The following SLC7A7 variants were observed in gnomAD, a reference collection of about 807,000 sequenced individuals.
SLC7A7 encodes the protein Y+L amino acid transporter 1.
In SLC7A7, 39 loss-of-function variants were observed where a neutral mutation model predicts 47.9. The observed-to-expected ratio is 0.81, with a 90% CI of 0.63 to 1.06. The LOEUF (loss-of-function observed/expected upper bound fraction) is 1.06. Ranked by LOEUF, SLC7A7 falls within the 50% of genes least tolerant of loss-of-function variation. SLC7A7 has a pLI of 0.00. For synonymous variants in SLC7A7, 234 were observed against 242.8 expected, an observed-to-expected ratio of 0.96 and a Z score of 0.34; for missense variants, 588 against 632.0, an observed-to-expected ratio of 0.93 and a Z score of 0.75.
intron 2 of SLC7A7, chr14:22,780,323 A>C: frequency 4.1e-5 from 17 of 416,868 alleles, no homozygotes; most frequent in East Asian, 5.1e-5. Flanking sequence ...ATACATCCAA[A>C]TGTCCAATCA....
chr14:22,776,464 G>T, intron 4 of SLC7A7, 146 bp from the exon 5 acceptor site: 1 of 1,031,512 alleles, frequency 9.7e-7, no homozygotes, highest in African/African-American at 1.6e-5. Context: ...CTTTGACGGT[G>T]CCCTGGATAG....
Position 22,811,793 on chromosome 14 carries a change from A to G in SLC7A7, c.499+1107T>C, listed in dbSNP as rs1482541749. Among the ~76,000 whole-genome samples the G allele has an allele frequency of 2.0e-5, 3 of 147,236 alleles. No individual in the cohort carries two copies. The Admixed American group carries it at 2.1e-4, about 10-fold the overall frequency. ...CTTGAACCCAGAAGATGGAGGTTGC[A>G]GTGAGCTGAGATTGCACCACTCAAG... On this transcript the variant is annotated intron_variant, in intron 2 of 9. Coordinates refer to ENST00000674313, the MANE Select transcript of SLC7A7 (RefSeq NM_003982.4).
At chr14:22,783,122 CAG>C (rs755116173) in intron 2 of SLC7A7, among the ~76,000 whole-genome samples, 108 of 151,996 alleles carry the variant, frequency 7.1e-4, no homozygotes, top group Middle Eastern at 6.8e-3. Flanking sequence ...TTAGTAGAGA[CAG>C]GGTTTCACCA....
At chr14:22,798,955 A>C (rs571162031) in intron 2 of SLC7A7, among the ~76,000 whole-genome samples, 1 of 152,192 alleles carries the variant, frequency 6.6e-6, no homozygotes, top group African/African-American at 2.4e-5. Context: ...TCTCCCACCC[A>C]CGAGAGCTGT....
At chr14:22,797,867 G>C (rs2039045332) in intron 2 of SLC7A7, among the ~76,000 whole-genome samples, 2 of 152,178 alleles carry the variant, frequency 1.3e-5, no homozygotes, top group South Asian at 4.1e-4. Context: ...CCTGCCAAAA[G>C]ACTGCAAACA....
Position 22,778,832 on chromosome 14 carries a change from G to A in SLC7A7, c.731C>T (p.Thr244Ile), listed in dbSNP as rs551449082. The A allele has an allele frequency of 1.9e-6, 3 of 1,614,198 alleles. No homozygotes were observed. Among genetic ancestry groups the A allele is most frequent in the Non-Finnish European group, 2.5e-6 (3 of 1,180,030 alleles). Residue 244 changes from threonine to isoleucine, a missense_variant, in exon 4 of 10, where the codon ACC becomes ATC. Coordinates refer to ENST00000674313, the MANE Select transcript of SLC7A7 (RefSeq NM_003982.4). ...GATCTCTTCAGTGACATAGTTGAGG[G>A]TGTCCCAGCCTGAGTAGGAGAACAG... is the stretch of plus-strand genomic sequence containing the variant. ...SALFSYSGWDTLNYVTEEIKN... is the reference protein window; with the variant it reads ...SALFSYSGWDILNYVTEEIKN...
chr14:22,794,269 A>G (rs1191392098), intron 2 of SLC7A7, among the ~76,000 whole-genome samples: 1 of 152,232 alleles, frequency 6.6e-6, no homozygotes, highest in South Asian at 2.1e-4. Context: ...GGGCAGTTAC[A>G]CCTCTGGCAA....
At chr14:22,775,367 G>C in intron 7 of SLC7A7, 77 bp downstream of exon 7, 1 of 1,141,894 alleles carries the variant, frequency 8.8e-7, no homozygotes, top group Non-Finnish European at 1.3e-6. Context: ...CTTTCAGGAA[G>C]CTAGAACAGT....
chr14:22,799,249 C>T (rs1024913484), intron 2 of SLC7A7, among the ~76,000 whole-genome samples: 5 of 152,056 alleles, frequency 3.3e-5, no homozygotes, highest in African/African-American at 9.7e-5. Context: ...TCTCAATTCA[C>T]TCCCTTCCAC....
chr14:22,779,454 CT>C (rs35328728), intron 3 of SLC7A7, among the ~76,000 whole-genome samples: 4,130 of 136,282 alleles, frequency 0.03, 158 homozygotes, highest in African/African-American at 0.095. Context: ...ATATTTAATT[CT>C]TTTTTTTTTT....
chr14:22,811,306 C>T (rs989437142), intron 2 of SLC7A7, among the ~76,000 whole-genome samples: 12 of 152,216 alleles, frequency 7.9e-5, no homozygotes, highest in African/African-American at 2.4e-4. Context: ...ACTGCTAGAG[C>T]AGCTGCCCCT....
At chr14:22,818,881 C>T (rs937983042), upstream of SLC7A7, among the ~76,000 whole-genome samples, 2 of 152,034 alleles carry the variant, frequency 1.3e-5, no homozygotes, top group Admixed American at 1.3e-4. Context: ...TGTGAGCCAC[C>T]GTGCCTGACC....
chr14:22,818,610 T>C (rs2138676464), upstream of SLC7A7, among the ~76,000 whole-genome samples: 1 of 150,098 alleles, frequency 6.7e-6, no homozygotes, highest in South Asian at 2.1e-4. Flanking sequence ...GTTTTTGGGT[T>C]TTTTTTACCC....
chr14:22,790,998 CA>C (rs34516291), intron 2 of SLC7A7, among the ~76,000 whole-genome samples: 183 of 113,236 alleles, frequency 1.6e-3, no homozygotes, highest in African/African-American at 3.4e-3. Context: ...CTCCGTCTCA[CA>C]AAAAAAAAAA....
intron 1 of SLC7A7, among the ~76,000 whole-genome samples, chr14:22,813,782 G>A (rs554421575): frequency 6.7e-5 from 9 of 133,976 alleles, no homozygotes; most frequent in African/African-American, 2.3e-4. Context: ...GCCACCACGC[G>A]TGGCTAATTT....
At position 22,813,230 on chromosome 14, in the gene SLC7A7, C is replaced by T; in HGVS notation, c.169G>A (p.Val57Ile). 6.2e-7 allele frequency: 1 copy of T among 1,613,880 alleles called. No individual in the cohort carries two copies. The highest frequency in any genetic ancestry group is 1.1e-5 in the South Asian group (1 of 91,078). The part of the protein sequence containing the change: ...VGNMIGSGIF[V>I]SPKGVLIYSA... ...TATATGAGCACACCCTTGGGGGAAA[C>T]AAAGATGCCCGAGCCGATCATGTTC... The change falls in exon 2 of 10, where the codon GTT becomes ATT. Residue 57 changes from valine to isoleucine, a missense_variant. By Grantham distance (29) the Val-to-Ile change is conservative. Transcript: ENST00000674313.
At chr14:22,817,539 C>T (rs1456231599), upstream of SLC7A7, among the ~76,000 whole-genome samples, 1 of 152,146 alleles carries the variant, frequency 6.6e-6, no homozygotes, top group Non-Finnish European at 1.5e-5. Flanking sequence ...CGGGGTTTCA[C>T]CACATTGACC....
At chr14:22,792,307 A>C (rs2038937420) in intron 2 of SLC7A7, among the ~76,000 whole-genome samples, 1 of 152,176 alleles carries the variant, frequency 6.6e-6, no homozygotes, top group Non-Finnish European at 1.5e-5. Context: ...TCATGCCTAT[A>C]ATCCCAGCAC....
At chr14:22,790,065 G>A (rs998977816) in intron 2 of SLC7A7, among the ~76,000 whole-genome samples, 16 of 151,968 alleles carry the variant, frequency 1.1e-4, no homozygotes, top group East Asian at 3.9e-4. Flanking sequence ...ACAGTGGCTC[G>A]CTCCTGTAAT....
Sources: allele counts gnomAD v4.1 joint callset (sites outside exome capture counted in the v4.1 genomes callset), GRCh38; gene constraint gnomAD v4.1.1; transcripts MANE v1.5; gene names NCBI Gene and HGNC (gene_info 2026-07-23, HGNC 2026-07-21).